EFCAB6: variants seen among roughly 807,000 people sequenced by gnomAD.
EFCAB6 encodes EF-hand calcium-binding domain-containing protein 6.
EFCAB6 carries 156 observed loss-of-function variants against 169.8 expected under a neutral mutation model. The observed-to-expected ratio is 0.92, with a 90% CI of 0.81 to 1.05. The LOEUF (loss-of-function observed/expected upper bound fraction) is 1.05. Among genes scored for constraint, EFCAB6 ranks in the 50% least tolerant of loss-of-function variants. The probability of loss-of-function intolerance (pLI) is 0.00; values close to 1 mark genes in which losing one functional copy is unlikely to be tolerated. For missense variants in EFCAB6, 1,800 were observed against 1,829.1 expected (o/e 0.98, Z 0.29); for synonymous variants, 698 against 676.4 (o/e 1.03, Z -0.50).
chr22:43,805,086 A>G (rs1384230187), intron 2 of EFCAB6, among the ~76,000 whole-genome samples: 1 of 152,272 alleles, frequency 6.6e-6, no homozygotes, highest in Non-Finnish European at 1.5e-5. Context: ...AAACAAACTG[A>G]AAAAGAAAGC....
chr22:43,591,143 TACCAGGC>T (rs2051509425), intron 23 of EFCAB6, among the ~76,000 whole-genome samples: 3 of 145,190 alleles, frequency 2.1e-5, no homozygotes, highest in Admixed American at 6.8e-5. Context: ...TTGTTTTTTT[TACCAGGC>T]TTTTTATTGT....
intron 27 of EFCAB6, among the ~76,000 whole-genome samples, chr22:43,542,594 C>A (rs564730055): frequency 1.9e-4 from 29 of 152,254 alleles, no homozygotes; most frequent in Non-Finnish European, 3.5e-4. Flanking sequence ...ACAAAAAATT[C>A]TGTGGTGCGG....
chr22:43,708,089 TAA>T (rs137824), intron 10 of EFCAB6, among the ~76,000 whole-genome samples: 38,561 of 115,424 alleles, frequency 0.33, 5,843 homozygotes, highest in East Asian at 0.63. Context: ...TAAAGAAAAC[TAA>T]AAAAAAAAAA....
In EFCAB6 at chr22:43,731,777, C is replaced by T. The variant is rs1281971820; in HGVS notation, c.679G>A (p.Ala227Thr). ...SKHYNIHKDT[A>T]VDYNVFLKNL... Reference sequence around the variant, plus strand: ...TTCAAAAACACGTTGTAATCTACTGCAGTATCCTTGTGGATGTTGTAGTGT... The same window carrying T: ...TTCAAAAACACGTTGTAATCTACTGTAGTATCCTTGTGGATGTTGTAGTGT... Residue 227 changes from alanine (A) to threonine (T), a missense_variant, in exon 8 of 32, where the codon GCA becomes ACA. Transcript: ENST00000262726. The T allele has an allele frequency of 6.3e-7, 1 of 1,598,720 alleles. No individual in the cohort carries two copies. Among genetic ancestry groups the T allele is most frequent in the South Asian group, 1.2e-5 (1 of 86,898 alleles).
At chr22:43,637,251 C>T (rs2055477255) in intron 17 of EFCAB6, among the ~76,000 whole-genome samples, 1 of 152,224 alleles carries the variant, frequency 6.6e-6, no homozygotes, top group African/African-American at 2.4e-5. Flanking sequence ...CGGCCCCTCA[C>T]ACTAGAGCTG....
intron 23 of EFCAB6, among the ~76,000 whole-genome samples, chr22:43,591,792 G>A (rs2051574665): frequency 6.6e-6 from 1 of 152,154 alleles, no homozygotes; most frequent in East Asian, 1.9e-4. Flanking sequence ...TTCAGTCTGG[G>A]AAATTTTGTC....
intron 17 of EFCAB6, among the ~76,000 whole-genome samples, chr22:43,643,657 T>C (rs757131462): frequency 5.9e-5 from 9 of 152,184 alleles, no homozygotes; most frequent in Non-Finnish European, 1.0e-4. Context: ...TCCCTATCAG[T>C]TGATCAGCCT....
chr22:43,784,539 GTGTGTATA>G (rs1485989202), intron 2 of EFCAB6, among the ~76,000 whole-genome samples: 2 of 91,956 alleles, frequency 2.2e-5, no homozygotes, highest in African/African-American at 8.3e-5. Flanking sequence ...GTGTGTGTGT[GTGTGTATA>G]TGTATATATA....
chr22:43,588,901 T>C (rs376990892), intron 24 of EFCAB6, among the ~76,000 whole-genome samples: 1 of 151,972 alleles, frequency 6.6e-6, no homozygotes, highest in Non-Finnish European at 1.5e-5. Context: ...AGATCTAGAA[T>C]GTGGAGCAAA....
Position 43,608,513 on chromosome 22 carries a change from T to C in EFCAB6, c.2650A>G (p.Thr884Ala). 1 of 1,614,142 alleles carries C rather than the reference T, an allele frequency of 6.2e-7. No individual in the cohort carries two copies. The highest frequency in any genetic ancestry group is 1.1e-5 in the South Asian group (1 of 91,072). ...NALYGFDIPL[T>A]PREFEKLWAR... ...CAAAGCTTTTCAAACTCTCTTGGTG[T>C]GAGGGGAATATCAAAACCGTACAGT... The change falls in exon 22 of 32, where the codon ACA (threonine) becomes GCA (alanine). Residue 884 changes from threonine to alanine, a missense_variant. By Grantham distance (58) the Thr-to-Ala change is moderately conservative. Coordinates refer to ENST00000262726, the MANE Select transcript of EFCAB6 (RefSeq NM_022785.4).
intron 9 of EFCAB6, among the ~76,000 whole-genome samples, chr22:43,716,475 A>G (rs1306377650): frequency 6.6e-6 from 1 of 152,190 alleles, no homozygotes; most frequent in Non-Finnish European, 1.5e-5. Context: ...GAAAAAATAT[A>G]TATCCTGATA....
intron 7 of EFCAB6, 25 bp downstream of exon 7, chr22:43,735,832 T>G (rs746863672): frequency 2.5e-6 from 4 of 1,610,468 alleles, no homozygotes; most frequent in Non-Finnish European, 2.5e-6. Context: ...CTGAGCAATC[T>G]CTCACCGTGC....
At chr22:43,578,613 G>T (rs533990505) in intron 25 of EFCAB6, among the ~76,000 whole-genome samples, 1 of 152,132 alleles carries the variant, frequency 6.6e-6, no homozygotes, top group African/African-American at 2.4e-5. Context: ...CACAGCATCA[G>T]TACTCCACAC....
At chr22:43,627,332 G>A (rs1403356061) in intron 19 of EFCAB6, among the ~76,000 whole-genome samples, 1 of 152,190 alleles carries the variant, frequency 6.6e-6, no homozygotes, top group Non-Finnish European at 1.5e-5. Flanking sequence ...CGTGCACTCT[G>A]CAGGCAGGTG....
intron 2 of EFCAB6, among the ~76,000 whole-genome samples, chr22:43,784,535 G>A (rs1569487099): frequency 2.0e-5 from 2 of 100,662 alleles, no homozygotes; most frequent in Admixed American, 1.2e-4. Context: ...GTGTGTGTGT[G>A]TGTGTGTGTA....
At position 43,744,445 on chromosome 22, in the gene EFCAB6, A is replaced by T. The variant is rs1186710060; in HGVS notation, c.508-8452T>A. ...AGACACAGCAGAGCAAGGCAGAAGC[A>T]GCAGATGAAAGCAGCCTGAACACCT... On this transcript the variant is annotated intron_variant, in intron 6 of 31. Coordinates refer to ENST00000262726, the MANE Select transcript of EFCAB6 (RefSeq NM_022785.4). The surrounding 1 kb of genome is among the most constrained non-coding windows in gnomAD (Gnocchi z 4.3). Among the ~76,000 whole-genome samples, 2 of 152,246 alleles carry T rather than the reference A, an allele frequency of 1.3e-5. No individual in the cohort carries two copies. Among genetic ancestry groups the T allele is most frequent in the African/African-American group, 4.8e-5 (2 of 41,470 alleles).
At chr22:43,586,113 T>G (rs1047866539) in intron 24 of EFCAB6, among the ~76,000 whole-genome samples, 1 of 152,146 alleles carries the variant, frequency 6.6e-6, no homozygotes, top group African/African-American at 2.4e-5. Context: ...TAACATCTTT[T>G]TTTTCTCACT....
intron 6 of EFCAB6, among the ~76,000 whole-genome samples, chr22:43,736,844 G>C (rs1339734169): frequency 6.6e-6 from 1 of 151,962 alleles, no homozygotes; most frequent in Non-Finnish European, 1.5e-5. Context: ...TATTACGAAG[G>C]ACTGCTGACT....
rs754050696 is a variant in EFCAB6 at position 43,576,363 on chromosome 22, T to C, written c.3354A>G (p.Arg1118=). The C allele has an allele frequency of 6.2e-7, 1 of 1,600,266 alleles. No individual in the cohort carries two copies. Among genetic ancestry groups the C allele is most frequent in the Non-Finnish European group, 8.5e-7 (1 of 1,176,578 alleles). ...NQYHYFLRKL[R]IHLTPYINWK... ...AATTTATATAGGGGGTTAGATGAAT[T>C]CTTAGTTTCCTCAAAAAATAATGAT... Residue 1118 remains arginine, a synonymous_variant, in exon 26 of 32, where the codon AGA becomes AGG. Coordinates refer to ENST00000262726, the MANE Select transcript of EFCAB6 (RefSeq NM_022785.4).
Sources: gnomAD v4.1 joint callset for allele counts (sites outside exome capture counted in the v4.1 genomes callset) on GRCh38, gnomAD v4.1.1 for gene constraint, Gnocchi (gnomAD v3.1) non-coding constraint, MANE v1.5 for transcripts, NCBI Gene and HGNC (gene_info 2026-07-23, HGNC 2026-07-21) for gene names.